The following MBNL1 variants were observed in gnomAD, a reference collection of about 807,000 sequenced individuals.
MBNL1 encodes muscleblind like splicing regulator 1, also known as muscleblind-like protein 1.
MBNL1 carries 8 observed loss-of-function variants against 42.2 expected under a neutral mutation model. The observed-to-expected ratio is 0.19, with a 90% CI of 0.11 to 0.34. The LOEUF (loss-of-function observed/expected upper bound fraction) is 0.34, where lower values mean the gene tolerates loss of function less well. Among genes scored for constraint, MBNL1 ranks in the 10% least tolerant of loss-of-function variants. The probability of loss-of-function intolerance (pLI) is 1.00; values close to 1 mark genes in which losing one functional copy is unlikely to be tolerated. For synonymous variants in MBNL1, 169 were observed against 173.9 expected (o/e 0.97, Z 0.22); for missense variants, 309 against 495.3 (o/e 0.62, Z 3.57).
At chr3:152,449,524 T>A (rs1285075296) in intron 6 of MBNL1, 1 of 152,150 alleles carries the variant, frequency 6.6e-6, no homozygotes, top group Non-Finnish European at 1.5e-5. Context: ...TTTTTCTAAA[T>A]AAGTATAACC....
intron 3 of MBNL1, among the ~76,000 whole-genome samples, chr3:152,422,008 A>G (rs2098813536): frequency 6.6e-6 from 1 of 152,206 alleles, no homozygotes; most frequent in African/African-American, 2.4e-5. Context: ...TGACATATGA[A>G]GAAACTGCAT....
At chr3:152,290,743 G>A (rs2055441913) in intron 1 of MBNL1, among the ~76,000 whole-genome samples, 1 of 152,088 alleles carries the variant, frequency 6.6e-6, no homozygotes, top group African/African-American at 2.4e-5. Context: ...CTTAGTTACT[G>A]TATCAAATAA....
intron 5 of MBNL1, chr3:152,446,840 A>AT (rs2099234171): frequency 8.5e-7 from 1 of 1,180,462 alleles, no homozygotes; most frequent in Admixed American, 2.3e-5. Flanking sequence ...TTTAAAATAT[A>AT]TATCCTTTTT....
intron 2 of MBNL1, among the ~76,000 whole-genome samples, chr3:152,303,781 G>A (rs2061714920): frequency 1.3e-5 from 2 of 152,020 alleles, no homozygotes; most frequent in African/African-American, 4.8e-5. Context: ...ATTGTTTACT[G>A]AATTCTATTT....
intron 2 of MBNL1, among the ~76,000 whole-genome samples, chr3:152,255,898 C>T (rs1291571185): frequency 6.6e-6 from 1 of 152,026 alleles, no homozygotes; most frequent in East Asian, 1.9e-4. Context: ...AGCGCAAGGG[C>T]CAGAATGAGC....
intron 2 of MBNL1, among the ~76,000 whole-genome samples, chr3:152,314,146 A>C (rs1314008236): frequency 6.6e-6 from 1 of 152,218 alleles, no homozygotes; most frequent in Non-Finnish European, 1.5e-5. Flanking sequence ...TAGAAGGTTA[A>C]ATATTAAAGT....
At chr3:152,315,576 G>A (rs1449305880) in intron 2 of MBNL1, among the ~76,000 whole-genome samples, 1 of 151,898 alleles carries the variant, frequency 6.6e-6, no homozygotes, top group Non-Finnish European at 1.5e-5. Context: ...GATAAAGCCA[G>A]TATTATTTTC....
intron 2 of MBNL1, among the ~76,000 whole-genome samples, chr3:152,364,845 A>G (rs1020097149): frequency 2.6e-5 from 4 of 151,840 alleles, no homozygotes; most frequent in Non-Finnish European, 5.9e-5. Flanking sequence ...ACAATTTGTT[A>G]TTTTGTGACT....
At chr3:152,421,741 G>A (rs2098808469) in intron 3 of MBNL1, among the ~76,000 whole-genome samples, 1 of 152,192 alleles carries the variant, frequency 6.6e-6, no homozygotes, top group Admixed American at 6.5e-5. Context: ...TTTCTCTGCA[G>A]AAACCCTACA....
At chr3:152,375,318 T>C (rs111310038) in intron 2 of MBNL1, among the ~76,000 whole-genome samples, 2 of 152,238 alleles carry the variant, frequency 1.3e-5, no homozygotes, top group Admixed American at 6.5e-5. Flanking sequence ...ATTAATTCCA[T>C]TGAAATCATA....
intron 2 of MBNL1, among the ~76,000 whole-genome samples, chr3:152,357,138 A>G (rs2095586128): frequency 6.6e-6 from 1 of 152,188 alleles, no homozygotes; most frequent in Admixed American, 6.5e-5. Context: ...CTGGGAGAAT[A>G]AGAATAGAGA....
intron 4 of MBNL1, among the ~76,000 whole-genome samples, chr3:152,436,375 G>C (rs1249374824): frequency 1.3e-5 from 2 of 152,148 alleles, no homozygotes; most frequent in South Asian, 2.1e-4. Flanking sequence ...AGATACACCT[G>C]ATACACCTGG....
At chr3:152,456,765 A>G (rs541799863) in intron 8 of MBNL1, among the ~76,000 whole-genome samples, 1 of 152,366 alleles carries the variant, frequency 6.6e-6, no homozygotes, top group South Asian at 2.1e-4. Context: ...AATGATTAAT[A>G]GAAAGTAAAA....
intron 2 of MBNL1, chr3:152,396,338 A>G (rs1209953364): frequency 5.9e-6 from 1 of 168,892 alleles, no homozygotes; most frequent in Non-Finnish European, 1.3e-5. Flanking sequence ...CTCCACCACC[A>G]CCAGTCCAGG....
chr3:152,429,810 G>C (rs200553390), intron 3 of MBNL1, among the ~76,000 whole-genome samples: 41 of 152,152 alleles, frequency 2.7e-4, no homozygotes, highest in South Asian at 8.3e-4. Context: ...GTGTGTGTGT[G>C]TGTCTGTCTG....
At chr3:152,334,612 G>A (rs1396680401) in intron 2 of MBNL1, among the ~76,000 whole-genome samples, 1 of 152,162 alleles carries the variant, frequency 6.6e-6, no homozygotes, top group Non-Finnish European at 1.5e-5. Flanking sequence ...CAGTAAAATT[G>A]TTTCTGTGCC....
intron 4 of MBNL1, among the ~76,000 whole-genome samples, chr3:152,438,278 A>G (rs2099104841): frequency 6.6e-6 from 1 of 152,228 alleles, no homozygotes; most frequent in Non-Finnish European, 1.5e-5. Flanking sequence ...TTCCTGTCTT[A>G]TCAATGACAA....
intron 4 of MBNL1, among the ~76,000 whole-genome samples, chr3:152,436,590 CA>C (rs1447163664): frequency 6.6e-6 from 1 of 152,052 alleles, no homozygotes; most frequent in Non-Finnish European, 1.5e-5. Flanking sequence ...TAGTGGGATC[CA>C]AATAAGAAGT....
At chr3:152,349,444 C>T (rs2152963713) in intron 2 of MBNL1, among the ~76,000 whole-genome samples, 1 of 151,832 alleles carries the variant, frequency 6.6e-6, no homozygotes, top group African/African-American at 2.4e-5. Context: ...GTGACATATC[C>T]ATGGCATGTT....
Sources: gnomAD v4.1 joint callset for allele counts (sites outside exome capture counted in the v4.1 genomes callset) on GRCh38, gnomAD v4.1.1 for gene constraint, MANE v1.5 for transcripts, NCBI Gene and HGNC (gene_info 2026-07-23, HGNC 2026-07-21) for gene names.